The following ITGB6 variants were observed in gnomAD, a reference collection of about 807,000 sequenced individuals.
The protein encoded by ITGB6 is integrin beta-6.
Under a neutral mutation model 84.5 loss-of-function variants are expected in ITGB6, and 80 were observed. The observed-to-expected ratio is 0.95, with a 90% confidence interval of 0.79 to 1.14. The LOEUF (loss-of-function observed/expected upper bound fraction) is 1.14, where lower values mean the gene tolerates loss of function less well. Ranked by LOEUF, ITGB6 falls within the 50% of genes most tolerant of loss-of-function variation. The pLI, the probability that ITGB6 is intolerant of heterozygous loss-of-function variation, is 0.00. For missense variants in ITGB6, 1,006 were observed against 968.0 expected (o/e 1.04, Z -0.52); for synonymous variants, 383 against 354.9 (o/e 1.08, Z -0.89).
At chr2:160,182,971 T>A (rs1251946187) in intron 4 of ITGB6, among the ~76,000 whole-genome samples, 2 of 152,106 alleles carry the variant, frequency 1.3e-5, no homozygotes, top group African/African-American at 4.8e-5. Context: ...CAGGCCTGCC[T>A]TACAAGAGCT....
At chr2:160,181,669 C>A (rs1442876483) in intron 4 of ITGB6, among the ~76,000 whole-genome samples, 1 of 152,214 alleles carries the variant, frequency 6.6e-6, no homozygotes, top group Non-Finnish European at 1.5e-5. Flanking sequence ...CAAGTGGGTC[C>A]CTGACCCTCG....
rs1340624382 is a variant in ITGB6 at position 160,172,683 on chromosome 2, C to A, written c.807G>T (p.Val269=). 1.9e-6 allele frequency: 3 copies of A among 1,609,278 alleles called. No homozygotes were observed. Among genetic ancestry groups the A allele is most frequent in the South Asian group, 2.2e-5 (2 of 90,936 alleles). Residue 269 remains valine (V), a synonymous_variant, in exon 6 of 15, where the codon GTG becomes GTT. Coordinates refer to ENST00000283249, the MANE Select transcript of ITGB6 (RefSeq NM_000888.5). ...TTCCAAAATGAGAATCAGCATCACT[C>A]ACAAAGACCAGGAGGTGGAGGGAGT... ...RNDSLHLLVF[V]SDADSHFGMD...
At chr2:160,129,223 G>A (rs891889822) in intron 10 of ITGB6, among the ~76,000 whole-genome samples, 7 of 152,054 alleles carry the variant, frequency 4.6e-5, no homozygotes, top group East Asian at 3.9e-4. Flanking sequence ...ACTTAATGAC[G>A]TATGAAATAC....
intron 7 of ITGB6, among the ~76,000 whole-genome samples, chr2:160,147,175 A>T (rs1224936013): frequency 6.6e-5 from 10 of 152,128 alleles, no homozygotes; most frequent in South Asian, 6.2e-4. Context: ...AAATGAAAGA[A>T]AGAAAGAAGA....
chr2:160,118,430 T>C (rs894157074), intron 12 of ITGB6, among the ~76,000 whole-genome samples: 36 of 152,180 alleles, frequency 2.4e-4, no homozygotes, highest in Non-Finnish European at 4.6e-4. Flanking sequence ...ATTATCTCAA[T>C]AGATGCAGAA....
At chr2:160,173,879 A>G in intron 5 of ITGB6, 95 bp downstream of exon 5, 1 of 1,101,996 alleles carries the variant, frequency 9.1e-7, no homozygotes, top group Non-Finnish European at 1.3e-6. Flanking sequence ...TTAGAGATCA[A>G]AGGAAAGGAA....
chr2:160,109,189 C>T lies in ITGB6; in HGVS notation c.2102-1344G>A, dbSNP rs566206438. 5.3e-5 allele frequency among the ~76,000 whole-genome samples: 8 copies of T among 152,312 alleles called. No individual in the cohort carries two copies. In the South Asian group the frequency reaches 1.7e-3, roughly 32 times the overall value. On this transcript the variant is annotated intron_variant, in intron 13 of 14. Transcript: ENST00000283249. Reference sequence around the variant, plus strand: ...ACTAACAGCATGATGCCTGGCCTCACACACTTTTGTTCTTTGGCCAAGAAA... The same window carrying T: ...ACTAACAGCATGATGCCTGGCCTCATACACTTTTGTTCTTTGGCCAAGAAA...
chr2:160,166,097 G>A (rs746427356), intron 7 of ITGB6, among the ~76,000 whole-genome samples: 5 of 152,206 alleles, frequency 3.3e-5, no homozygotes, highest in Admixed American at 6.5e-5. Flanking sequence ...AACAGTTAAT[G>A]ATTGAGGGTT....
At chr2:160,182,220 C>T (rs2105881774) in intron 4 of ITGB6, among the ~76,000 whole-genome samples, 1 of 152,150 alleles carries the variant, frequency 6.6e-6, no homozygotes, top group African/African-American at 2.4e-5. Flanking sequence ...TGTTCTAACC[C>T]AATGCAAGGA....
intron 10 of ITGB6, among the ~76,000 whole-genome samples, chr2:160,131,208 G>A (rs574874368): frequency 6.6e-6 from 1 of 152,148 alleles, no homozygotes; most frequent in East Asian, 1.9e-4. Flanking sequence ...TAACTGTTAA[G>A]TGCATAATGG....
rs1315401429 is a variant in ITGB6 at position 160,112,196 on chromosome 2, A to G, written c.1985T>C (p.Phe662Ser). The change falls in exon 13 of 15, where the codon TTC (phenylalanine) becomes TCC (serine). Residue 662 changes from phenylalanine to serine, a missense_variant. Phe to Ser is a radical substitution (Grantham distance 155). Transcript: ENST00000283249. ...GCAGGAAACAGAACCATCCTTTGAGAAATCTGCAGATAAAGGAGTCATTCA... is the reference window on the plus strand; with the variant it reads ...GCAGGAAACAGAACCATCCTTTGAGGAATCTGCAGATAAAGGAGTCATTCA... Reference protein sequence around the residue: ...AGATISEEEDFSKDGSVSCSL... With the variant: ...AGATISEEEDSSKDGSVSCSL... 1 of 1,610,258 alleles carries G rather than the reference A, an allele frequency of 6.2e-7. No individual in the cohort carries two copies. The highest frequency in any genetic ancestry group is 2.2e-5 in the East Asian group (1 of 44,832).
At position 160,112,015 on chromosome 2, in the gene ITGB6, C is replaced by T. The variant is rs371401152; in HGVS notation, c.2101+65G>A. The T allele has an allele frequency of 1.3e-4, 206 of 1,529,776 alleles. 1 individual carries two copies. In the African/African-American group the frequency reaches 2.5e-3, roughly 19 times the overall value. The allele number at this position is 1,529,776 out of a possible 1,614,324, so 94.8% of individuals were successfully genotyped here. A position where few individuals can be genotyped will look rare whatever the true frequency, so the allele number is the denominator to read the frequency against. ...CTGGCATGCTACCCAGAGCGATTTT[C>T]TGGTTGCTTTCTCTTCTCCTGTGTA... On this transcript the variant is annotated intron_variant, in intron 13 of 14. Coordinates refer to ENST00000283249, the MANE Select transcript of ITGB6 (RefSeq NM_000888.5).
intron 12 of ITGB6, among the ~76,000 whole-genome samples, chr2:160,120,145 G>A (rs1682968360): frequency 1.3e-5 from 2 of 151,954 alleles, no homozygotes; most frequent in African/African-American, 4.8e-5. Flanking sequence ...AATACTATTT[G>A]ACCCAGCCAT....
At chr2:160,154,118 A>G (rs565352760) in intron 7 of ITGB6, among the ~76,000 whole-genome samples, 70 of 152,354 alleles carry the variant, frequency 4.6e-4, no homozygotes, top group South Asian at 2.9e-3. Flanking sequence ...ATGCTGCTAT[A>G]AAGACACATG....
intron 2 of ITGB6, among the ~76,000 whole-genome samples, chr2:160,196,873 C>T (rs992712818): frequency 2.0e-5 from 3 of 151,998 alleles, no homozygotes; most frequent in Non-Finnish European, 4.4e-5. Context: ...TGGGAATTGA[C>T]ACACTGTCCA....
rs757945882 is a variant in ITGB6 at position 160,101,697 on chromosome 2, A to G, written c.*39T>C. The G allele has an allele frequency of 1.8e-6, 2 of 1,105,520 alleles. No homozygotes were observed. The highest frequency in any genetic ancestry group is 2.8e-6 in the Non-Finnish European group (2 of 719,550). The allele number at this position is 1,105,520 out of a possible 1,614,324, so 68.5% of individuals were successfully genotyped here. On this transcript the variant is annotated 3_prime_UTR_variant, in exon 15 of 15. Coordinates refer to ENST00000283249, the MANE Select transcript of ITGB6 (RefSeq NM_000888.5). Reference sequence around the variant, plus strand: ...AAATTAAATAGTGCATTAACATTTCATATCAGTGAAACAGACTTTTTTCAT... The same window carrying G: ...AAATTAAATAGTGCATTAACATTTCGTATCAGTGAAACAGACTTTTTTCAT...
intron 13 of ITGB6, 44 bp from the exon 14 acceptor site, chr2:160,107,889 T>C: frequency 6.6e-6 from 10 of 1,503,886 alleles, no homozygotes; most frequent in Non-Finnish European, 9.1e-6. Context: ...AAAATCAACA[T>C]TTTGACATCG....
chr2:160,100,951 T>C lies in ITGB6; in HGVS notation c.*785A>G. The C allele has an allele frequency of 6.6e-6, 1 of 152,100 alleles. No individual in the cohort carries two copies. The highest frequency in any genetic ancestry group is 1.5e-5 in the Non-Finnish European group (1 of 67,992). 9.4% of individuals were successfully genotyped at this position (152,100 alleles called of 1,614,324 possible). A position where few individuals can be genotyped will look rare whatever the true frequency, so the allele number is the denominator to read the frequency against. On this transcript the variant is annotated 3_prime_UTR_variant, in exon 15 of 15. Transcript: ENST00000283249. ...TAAAAGACTGTGCAACTGAGTGAAA[T>C]GGATTGAGAAATATGGGAGAAGTAA...
At chr2:160,105,207 C>T (rs1165465200) in intron 14 of ITGB6, among the ~76,000 whole-genome samples, 3 of 152,088 alleles carry the variant, frequency 2.0e-5, no homozygotes, top group African/African-American at 7.2e-5. Context: ...TTCAAAGAAA[C>T]TCAATTTAAT....
Sources: gnomAD v4.1 joint callset for allele counts (sites outside exome capture counted in the v4.1 genomes callset) on GRCh38, gnomAD v4.1.1 for gene constraint, MANE v1.5 for transcripts, NCBI Gene and HGNC (gene_info 2026-07-23, HGNC 2026-07-21) for gene names.